Variants in ADGRB3 observed in about 807,000 individuals in gnomAD.
ADGRB3 encodes adhesion G protein-coupled receptor B3.
Under a neutral mutation model 193.4 loss-of-function variants are expected in ADGRB3, and 37 were observed. The ratio of observed to expected loss-of-function variants is 0.19; its 90% CI spans 0.15 to 0.25. ADGRB3 has a LOEUF of 0.25. Ranked by LOEUF, ADGRB3 falls within the 10% of genes least tolerant of loss-of-function variation. ADGRB3 has a pLI of 1.00. For missense variants in ADGRB3, 1,637 were observed against 1,852.9 expected, an observed-to-expected ratio of 0.88 and a Z score of 2.14; for synonymous variants, 690 against 644.2, an observed-to-expected ratio of 1.07 and a Z score of -1.08.
At chr6:69,076,622 T>G (rs769375017) in intron 17 of ADGRB3, among the ~76,000 whole-genome samples, 2 of 152,088 alleles carry the variant, frequency 1.3e-5, no homozygotes, top group Non-Finnish European at 2.9e-5. Flanking sequence ...TTGCAATATA[T>G]CTAATCAAAA....
intron 3 of ADGRB3, among the ~76,000 whole-genome samples, chr6:68,838,929 TA>T (rs1423445521): frequency 6.6e-6 from 1 of 152,100 alleles, no homozygotes. Context: ...AACACTAAAC[TA>T]ATAGTGAAGC....
intron 3 of ADGRB3, among the ~76,000 whole-genome samples, chr6:68,665,676 T>C (rs2127291648): frequency 6.6e-6 from 1 of 151,918 alleles, no homozygotes. Flanking sequence ...ATTTTTCTAA[T>C]ATTAAATATG....
At chr6:68,672,209 A>T (rs1458250346) in intron 3 of ADGRB3, among the ~76,000 whole-genome samples, 1 of 151,484 alleles carries the variant, frequency 6.6e-6, no homozygotes, top group Non-Finnish European at 1.5e-5. Context: ...CAAAAATCCA[A>T]CTTTATGTTT....
In ADGRB3 at chr6:69,027,665, G is replaced by A. The variant is rs189008414; in HGVS notation, c.2107+9166G>A. Among the ~76,000 whole-genome samples, 173 of 152,254 alleles carry A rather than the reference G, an allele frequency of 1.1e-3. 1 individual carries two copies. The highest frequency in any genetic ancestry group is 2.4e-3 in the Admixed American group (37 of 15,278). On this transcript the variant is annotated intron_variant, in intron 13 of 31. Coordinates refer to ENST00000370598, the MANE Select transcript of ADGRB3 (RefSeq NM_001704.3). ...GAGATATTATAATAGACTATTTGGC[G>A]CTTGAGTGAAAACAGGAAGAGCAGT...
Position 69,233,349 on chromosome 6 carries a change from C to A in ADGRB3, c.2540C>A (p.Ser847Tyr). The change falls in exon 18 of 32, where the codon TCC (serine) becomes TAC (tyrosine). Residue 847 changes from serine to tyrosine, a missense_variant. Coordinates refer to ENST00000370598, the MANE Select transcript of ADGRB3 (RefSeq NM_001704.3). Reference sequence around the variant, plus strand: ...TGTAAAACTGTGCTTACCGATGCATCCCATACGAAATGCTTATGTGATCGT... The same window carrying A: ...TGTAAAACTGTGCTTACCGATGCATACCATACGAAATGCTTATGTGATCGT... ...QGCKTVLTDA[S>Y]HTKCLCDRLS... 1 of 1,614,076 alleles carries A rather than the reference C, an allele frequency of 6.2e-7. No homozygotes were observed. The highest frequency in any genetic ancestry group is 2.2e-5 in the East Asian group (1 of 44,870).
chr6:68,825,297 A>G (rs1767822467), intron 3 of ADGRB3, among the ~76,000 whole-genome samples: 1 of 152,038 alleles, frequency 6.6e-6, no homozygotes, highest in Admixed American at 6.5e-5. Context: ...ACAATTCTGT[A>G]TGGCCTTTAT....
intron 3 of ADGRB3, among the ~76,000 whole-genome samples, chr6:68,865,972 C>T (rs944177219): frequency 2.6e-5 from 4 of 152,100 alleles, no homozygotes; most frequent in Non-Finnish European, 5.9e-5. Context: ...TGTTTTTCAC[C>T]CATATATTTG....
intron 13 of ADGRB3, among the ~76,000 whole-genome samples, chr6:69,035,153 T>A (rs1050624788): frequency 6.6e-6 from 1 of 152,084 alleles, no homozygotes; most frequent in Admixed American, 6.6e-5. Flanking sequence ...AATTAGTCTA[T>A]AAAATATAAT....
intron 31 of ADGRB3, among the ~76,000 whole-genome samples, chr6:69,383,823 C>G (rs1770004366): frequency 6.6e-6 from 1 of 152,038 alleles, no homozygotes; most frequent in Admixed American, 6.6e-5. Context: ...CCATCTGACA[C>G]CAGCTCTTCT....
chr6:69,012,464 T>G (rs1215400390), intron 11 of ADGRB3, among the ~76,000 whole-genome samples: 1 of 152,052 alleles, frequency 6.6e-6, no homozygotes, highest in Non-Finnish European at 1.5e-5. Context: ...CTCTGAAGGT[T>G]AATTCTTTCT....
chr6:68,797,055 A>G (rs1181525383), intron 3 of ADGRB3, among the ~76,000 whole-genome samples: 1 of 152,148 alleles, frequency 6.6e-6, no homozygotes, highest in African/African-American at 2.4e-5. Flanking sequence ...CCTTATCACA[A>G]GGCATAGCTA....
At position 68,761,548 on chromosome 6, in the gene ADGRB3, C is replaced by CTTCA. The variant is rs529709780; in HGVS notation, c.757+122117_757+122120dup. Among the ~76,000 whole-genome samples, 80 of 151,508 alleles carry CTTCA rather than the reference C, an allele frequency of 5.3e-4. 9 individuals are homozygous for CTTCA. Among genetic ancestry groups the CTTCA allele is most frequent in the African/African-American group, 1.9e-3 (78 of 41,066 alleles). On this transcript the variant is annotated intron_variant, in intron 3 of 31. Transcript: ENST00000370598. ...GTCGATGTGGTGCTTGCTTGGTTGA[C>CTTCA]TTCAGTGAGTGCACAGAGTATTATG...
chr6:69,361,243 G>A lies in ADGRB3; in HGVS notation c.3970G>A (p.Glu1324Lys). Residue 1324 changes from glutamate (E) to lysine (K), a missense_variant, in exon 29 of 32, where the codon GAA becomes AAA. Glu to Lys is a moderately conservative substitution (Grantham distance 56). Coordinates refer to ENST00000370598, the MANE Select transcript of ADGRB3 (RefSeq NM_001704.3). The part of the protein sequence containing the change: ...SSVNNQPSMK[E>K]ESKMNIGMET... ...TGTAAATAACCAGCCTTCAATGAAA[G>A]AAGAAAGCAAAATGAATATTGGCAT... is the stretch of plus-strand genomic sequence containing the variant. 2.5e-6 allele frequency: 4 copies of A among 1,612,764 alleles called. No homozygotes were observed. Among genetic ancestry groups the A allele is most frequent in the Non-Finnish European group, 3.4e-6 (4 of 1,179,276 alleles).
chr6:69,231,548 G>A (rs1468178198), intron 17 of ADGRB3, among the ~76,000 whole-genome samples: 1 of 93,052 alleles, frequency 1.1e-5, no homozygotes, highest in African/African-American at 3.9e-5. Context: ...TTTTCATTTG[G>A]CCTTAACTGT....
At chr6:68,981,250 C>T (rs1159580593) in intron 10 of ADGRB3, among the ~76,000 whole-genome samples, 1 of 151,522 alleles carries the variant, frequency 6.6e-6, no homozygotes, top group Non-Finnish European at 1.5e-5. Flanking sequence ...TTATTCAGAA[C>T]CTATCTGTTA....
chr6:68,647,333 C>G (rs1582095628), intron 3 of ADGRB3, among the ~76,000 whole-genome samples: 2 of 152,138 alleles, frequency 1.3e-5, no homozygotes, highest in Middle Eastern at 3.4e-3. Context: ...TTTAATGTAT[C>G]TAGTACCCAA....
At chr6:68,955,831 A>G (rs1407755496) in intron 6 of ADGRB3, among the ~76,000 whole-genome samples, 193 bp from the exon 7 acceptor site, 1 of 152,168 alleles carries the variant, frequency 6.6e-6, no homozygotes, top group Admixed American at 6.6e-5. Flanking sequence ...ATATAAAATA[A>G]AATAAAAGTG....
chr6:68,984,555 T>C (rs183458715), intron 10 of ADGRB3, among the ~76,000 whole-genome samples: 65 of 152,260 alleles, frequency 4.3e-4, no homozygotes, highest in Admixed American at 1.6e-3. Flanking sequence ...TAAATTTTGA[T>C]AATGAATGAG....
chr6:69,110,151 T>C (rs1206328553), intron 17 of ADGRB3, among the ~76,000 whole-genome samples: 4 of 152,064 alleles, frequency 2.6e-5, no homozygotes, highest in African/African-American at 9.7e-5. Flanking sequence ...TTTTACCGAC[T>C]TGGCCAGGCT....
Sources: gnomAD v4.1 joint callset for allele counts (sites outside exome capture counted in the v4.1 genomes callset) on GRCh38, gnomAD v4.1.1 for gene constraint, MANE v1.5 for transcripts, NCBI Gene and HGNC (gene_info 2026-07-23, HGNC 2026-07-21) for gene names.